WDPCP: variants seen among roughly 807,000 people sequenced by gnomAD.
WDPCP encodes the protein WD repeat-containing and planar cell polarity effector protein fritz homolog.
In WDPCP, 71 loss-of-function variants were observed where a neutral mutation model predicts 93.1. That is an observed-to-expected ratio of 0.76 (90% CI 0.63 to 0.93). WDPCP has a LOEUF of 0.93. WDPCP is among the 40% of genes least tolerant of loss of function. The pLI, the probability that WDPCP is intolerant of heterozygous loss-of-function variation, is 0.00. For synonymous variants in WDPCP, 315 were observed against 315.0 expected (o/e 1.00, Z 0.00); for missense variants, 844 against 887.4 (o/e 0.95, Z 0.62).
chr2:63,336,109 A>G (rs13429485), intron 12 of WDPCP, among the ~76,000 whole-genome samples: 9 of 152,212 alleles, frequency 5.9e-5, no homozygotes, highest in African/African-American at 1.9e-4. Flanking sequence ...AGGCTGCTCT[A>G]TAGAGTAGCC....
At chr2:63,719,516 G>C (rs961931972) in intron 2 of WDPCP, among the ~76,000 whole-genome samples, 1 of 152,170 alleles carries the variant, frequency 6.6e-6, no homozygotes, top group Non-Finnish European at 1.5e-5. Flanking sequence ...ATCATGGTGA[G>C]AAATTTTAAC....
chr2:63,268,277 G>C (rs1682326221), intron 13 of WDPCP, among the ~76,000 whole-genome samples: 1 of 151,934 alleles, frequency 6.6e-6, no homozygotes, highest in Non-Finnish European at 1.5e-5. Flanking sequence ...TTTTTAAATT[G>C]ATTTCATAGA....
At chr2:63,222,412 A>C (rs1364801300) in intron 14 of WDPCP, among the ~76,000 whole-genome samples, 2 of 152,186 alleles carry the variant, frequency 1.3e-5, no homozygotes, top group Non-Finnish European at 2.9e-5. Flanking sequence ...GCCATAGATC[A>C]GGAATGTGGG....
intron 17 of WDPCP, among the ~76,000 whole-genome samples, chr2:63,151,121 C>A (rs1471122824): frequency 2.0e-5 from 3 of 152,202 alleles, no homozygotes; most frequent in Non-Finnish European, 4.4e-5. Flanking sequence ...AAAGACCCTT[C>A]CAGAAAGATC....
At chr2:63,375,034 C>T (rs967351388) in intron 12 of WDPCP, among the ~76,000 whole-genome samples, 7 of 151,982 alleles carry the variant, frequency 4.6e-5, no homozygotes, top group Non-Finnish European at 1.0e-4. Flanking sequence ...TCACATAACA[C>T]TATTTGAGTC....
chr2:63,394,116 TAGG>T (rs1181324475), intron 10 of WDPCP, among the ~76,000 whole-genome samples: 3 of 152,056 alleles, frequency 2.0e-5, no homozygotes, highest in Non-Finnish European at 2.9e-5. Context: ...ACCTACAGAA[TAGG>T]AGAAGATATT....
intron 14 of WDPCP, among the ~76,000 whole-genome samples, chr2:63,180,281 A>G (rs1292222315): frequency 2.0e-5 from 3 of 152,152 alleles, no homozygotes; most frequent in Non-Finnish European, 4.4e-5. Flanking sequence ...CTGGCCATTT[A>G]GTGTAACCAC....
intron 2 of WDPCP, among the ~76,000 whole-genome samples, chr2:63,759,521 G>A (rs1050222985): frequency 6.6e-6 from 1 of 152,208 alleles, no homozygotes; most frequent in Admixed American, 6.5e-5. Context: ...TATTGTTACA[G>A]GAACTAATAT....
chr2:63,378,618 A>G, intron 11 of WDPCP, 109 bp from the exon 12 acceptor site: 1 of 1,447,858 alleles, frequency 6.9e-7, no homozygotes. Context: ...ATGAAACATG[A>G]ACTTGTTGCA....
Position 63,657,293 on chromosome 2 carries a change from C to T in WDPCP, n.309-6455G>A, listed in dbSNP as rs192664524. On this transcript the variant is annotated intron_variant and non_coding_transcript_variant, in intron 2 of 4. Transcript: ENST00000467687. ...GATCTCGACTCACTGCAAGCTCCGC[C>T]TCCTGGGTTCATGCCATTCTCCTGC... 8.8e-3 allele frequency among the ~76,000 whole-genome samples: 1,329 copies of T among 151,294 alleles called. 18 individuals are homozygous for T. The highest frequency in any genetic ancestry group is 0.03 in the African/African-American group (1,222 of 41,108).
intron 2 of WDPCP, among the ~76,000 whole-genome samples, chr2:63,777,820 G>A (rs1225228429): frequency 7.2e-5 from 11 of 152,130 alleles, no homozygotes; most frequent in Non-Finnish European, 1.2e-4. Flanking sequence ...ACTTTAAGGG[G>A]TGATGGAGAT....
intron 12 of WDPCP, among the ~76,000 whole-genome samples, chr2:63,363,045 A>G (rs762801091): frequency 5.9e-5 from 9 of 152,146 alleles, no homozygotes; most frequent in Non-Finnish European, 1.2e-4. Flanking sequence ...GGATATATAT[A>G]CTTCCACTTA....
intron 13 of WDPCP, among the ~76,000 whole-genome samples, chr2:63,300,368 C>T (rs1031565547): frequency 1.3e-5 from 2 of 152,142 alleles, no homozygotes; most frequent in Admixed American, 6.5e-5. Flanking sequence ...TAGAGGGGAG[C>T]GAACTCCAAC....
At position 63,234,119 on chromosome 2, in the gene WDPCP, A is replaced by G. The variant is rs148136635; in HGVS notation, c.1915+25188T>C. The stretch of plus-strand genomic sequence containing the variant: ...AACAGTGTTCAACACATTCTCCATC[A>G]TACAGTAAATACTAAATAAGGGTGG... On this transcript the variant is annotated intron_variant, in intron 14 of 17. Transcript: ENST00000272321. Among the ~76,000 whole-genome samples, 667 of 152,314 alleles carry G rather than the reference A, an allele frequency of 4.4e-3. 4 individuals carry two copies. The highest frequency in any genetic ancestry group is 7.1e-3 in the Non-Finnish European group (484 of 68,018).
chr2:63,567,284 C>T (rs1199223932), intron 1 of WDPCP, among the ~76,000 whole-genome samples: 1 of 152,140 alleles, frequency 6.6e-6, no homozygotes, highest in Non-Finnish European at 1.5e-5. Flanking sequence ...TTCTGGCTAC[C>T]AGCCCCCATT....
chr2:63,746,809 A>G (rs1006347324), intron 2 of WDPCP, among the ~76,000 whole-genome samples: 1 of 152,206 alleles, frequency 6.6e-6, no homozygotes, highest in Non-Finnish European at 1.5e-5. Context: ...ATGGAAGTTC[A>G]TTAGTGATTC....
At chr2:63,497,111 CAAAAAAAA>C (rs10667775) in intron 1 of WDPCP, among the ~76,000 whole-genome samples, 4 of 72,482 alleles carry the variant, frequency 5.5e-5, no homozygotes, top group African/African-American at 5.6e-5. Context: ...GACTCCATCT[CAAAAAAAA>C]AAAAAAAAAA....
intron 12 of WDPCP, among the ~76,000 whole-genome samples, chr2:63,324,081 T>A (rs1309267985): frequency 1.3e-5 from 2 of 152,094 alleles, no homozygotes; most frequent in African/African-American, 2.4e-5. Flanking sequence ...CCCTACAGCC[T>A]GGCCCCAATA....
chr2:63,639,974 CAG>C, intron 3 of WDPCP, among the ~76,000 whole-genome samples: 1 of 152,204 alleles, frequency 6.6e-6, no homozygotes. Flanking sequence ...GCGCTTATTC[CAG>C]AGAGATCAAG....
Sources: gnomAD v4.1 joint callset for allele counts (sites outside exome capture counted in the v4.1 genomes callset) on GRCh38, gnomAD v4.1.1 for gene constraint, MANE v1.5 for transcripts, NCBI Gene and HGNC (gene_info 2026-07-23, HGNC 2026-07-21) for gene names.